Variants in HECW1 observed in about 807,000 individuals in gnomAD.
HECW1 encodes E3 ubiquitin-protein ligase HECW1.
Under a neutral mutation model 182.3 loss-of-function variants are expected in HECW1, and 61 were observed. The observed-to-expected ratio is 0.33, with a 90% CI of 0.27 to 0.41. The LOEUF (loss-of-function observed/expected upper bound fraction) is 0.41. Among genes scored for constraint, HECW1 ranks in the 10% least tolerant of loss-of-function variants. The pLI is 1.00. For synonymous variants in HECW1, 859 were observed against 832.6 expected (o/e 1.03, Z -0.55); for missense variants, 1,739 against 2,108.9 (o/e 0.82, Z 3.44).
intron 8 of HECW1, among the ~76,000 whole-genome samples, chr7:43,420,670 C>T (rs990538543): frequency 1.3e-5 from 2 of 151,978 alleles, no homozygotes; most frequent in Non-Finnish European, 2.9e-5. Context: ...TTTCTATATG[C>T]AAATAGAAAA....
At position 43,550,468 on chromosome 7, in the gene HECW1, T is replaced by C; in HGVS notation, c.4272T>C (p.Ser1424=). The C allele has an allele frequency of 6.2e-7, 1 of 1,614,150 alleles. No homozygotes were observed. The highest frequency in any genetic ancestry group is 1.3e-5 in the African/African-American group (1 of 75,068). ...FGQVTERELK[S]GGANTQVTEK... ...AGGTCACGGAAAGGGAGTTGAAGTCTGGAGGAGCCAACACACAGGTGACGG... is the reference window on the plus strand; with the variant it reads ...AGGTCACGGAAAGGGAGTTGAAGTCCGGAGGAGCCAACACACAGGTGACGG... Residue 1424 remains serine (S), a synonymous_variant, in exon 27 of 30, where the codon TCT becomes TCC. Transcript: ENST00000395891.
chr7:43,292,282 G>A (rs1485801041), intron 3 of HECW1, among the ~76,000 whole-genome samples: 1 of 152,140 alleles, frequency 6.6e-6, no homozygotes, highest in South Asian at 2.1e-4. Context: ...TGATGAAATG[G>A]AGGCTCAGAG....
chr7:43,547,008 T>A (rs1200734368), intron 26 of HECW1, among the ~76,000 whole-genome samples: 2 of 152,174 alleles, frequency 1.3e-5, no homozygotes, highest in African/African-American at 4.8e-5. Context: ...CTTAATGGTG[T>A]CTGGGAATTC....
rs540629484 is a variant in HECW1, at chr7:43,564,177, T to C, written c.*2251T>C. 27 of 190,994 alleles carry C rather than the reference T, an allele frequency of 1.4e-4. No individual in the cohort carries two copies. Among genetic ancestry groups the C allele is most frequent in the African/African-American group, 6.3e-4 (27 of 43,154 alleles). 11.8% of individuals were successfully genotyped at this position (190,994 alleles called of 1,614,324 possible). A position where few individuals can be genotyped will look rare whatever the true frequency, so the allele number is the denominator to read the frequency against. ...TGCAAATCATTGAACCATAACCTTA[T>C]TCTAACTCTTGCAACAACATCTCTA... On this transcript the variant is annotated 3_prime_UTR_variant, in exon 30 of 30. Coordinates refer to ENST00000395891, the MANE Select transcript of HECW1 (RefSeq NM_015052.5).
chr7:43,558,239 G>A (rs2152964239), intron 29 of HECW1, among the ~76,000 whole-genome samples: 1 of 152,342 alleles, frequency 6.6e-6, no homozygotes, highest in Middle Eastern at 3.4e-3. Context: ...GTAGCACTGG[G>A]CAGTGTGGAG....
At chr7:43,345,654 C>A (rs1032974546) in intron 5 of HECW1, among the ~76,000 whole-genome samples, 1 of 152,064 alleles carries the variant, frequency 6.6e-6, no homozygotes, top group African/African-American at 2.4e-5. Context: ...TAGCTCAGCT[C>A]CCACATATCA....
Position 43,436,163 on chromosome 7 carries a change from C to CAAA in HECW1, c.802-1820_802-1818dup, listed in dbSNP as rs750081980. On this transcript the variant is annotated intron_variant, in intron 8 of 29. Transcript: ENST00000395891. Reference sequence around the variant, plus strand: ...TGGGCAAGAGAACTAGACTTTGTCTCAAAAAAAAAAAAAAAAAAAAAAGGA... The same window carrying CAAA: ...TGGGCAAGAGAACTAGACTTTGTCTCAAAAAAAAAAAAAAAAAAAAAAAAAGGA... Among the ~76,000 whole-genome samples, 389 of 66,218 alleles carry CAAA rather than the reference C, an allele frequency of 5.9e-3. 5 individuals are homozygous for CAAA. The highest frequency in any genetic ancestry group is 0.012 in the African/African-American group (198 of 16,946). 43.4% of individuals were successfully genotyped at this position (66,218 alleles called of 152,430 possible). A position where few individuals can be genotyped will look rare whatever the true frequency, so the allele number is the denominator to read the frequency against.
chr7:43,507,960 A>G, intron 22 of HECW1, 58 bp from the exon 23 acceptor site: 1 of 1,230,618 alleles, frequency 8.1e-7, no homozygotes, highest in Non-Finnish European at 1.2e-6. Flanking sequence ...ACTCACTTAG[A>G]ACCCTGTCCA....
chr7:43,438,761 G>C (rs1427590099), intron 9 of HECW1: 3 of 152,196 alleles, frequency 2.0e-5, no homozygotes, highest in Non-Finnish European at 4.4e-5. Context: ...ACTATGACCA[G>C]ATAACAGCCC....
At chr7:43,449,209 G>A (rs527685538) in intron 11 of HECW1, among the ~76,000 whole-genome samples, 66 of 152,270 alleles carry the variant, frequency 4.3e-4, no homozygotes, top group African/African-American at 1.5e-3. Context: ...TTTAATTTCT[G>A]ACACTAAACA....
At chr7:43,185,213 C>T (rs1199875434) in intron 2 of HECW1, among the ~76,000 whole-genome samples, 1 of 152,070 alleles carries the variant, frequency 6.6e-6, no homozygotes, top group Non-Finnish European at 1.5e-5. Flanking sequence ...TGAAGGGTAG[C>T]ACACCTAGAG....
chr7:43,409,703 G>A (rs1052367805), intron 8 of HECW1, among the ~76,000 whole-genome samples: 5 of 152,110 alleles, frequency 3.3e-5, no homozygotes, highest in Non-Finnish European at 7.4e-5. Flanking sequence ...ATGTCCCCCT[G>A]GTAAGGCTCA....
At chr7:43,296,225 A>T (rs933039003) in intron 3 of HECW1, among the ~76,000 whole-genome samples, 1 of 152,242 alleles carries the variant, frequency 6.6e-6, no homozygotes, top group African/African-American at 2.4e-5. Flanking sequence ...GGAAAAATGC[A>T]GGAAATATTT....
rs370838701 is a variant in HECW1, at chr7:43,239,347, G to A, written c.-31-4528G>A. On this transcript the variant is annotated intron_variant, in intron 2 of 29. Coordinates refer to ENST00000395891, the MANE Select transcript of HECW1 (RefSeq NM_015052.5). ...AACTGAGCTTACTTTGTCTTTGCAA[G>A]GGTGTCTAGTGTGACATTTCAGGAA... The A allele has an allele frequency of 2.1e-3, 327 of 152,330 alleles. 2 individuals carry two copies. The highest frequency in any genetic ancestry group is 7.3e-3 in the African/African-American group (302 of 41,572). The allele number at this position is 152,330 out of a possible 1,614,324, so 9.4% of individuals were successfully genotyped here.
intron 6 of HECW1, among the ~76,000 whole-genome samples, chr7:43,369,197 G>C (rs566360381): frequency 6.6e-6 from 1 of 152,174 alleles, no homozygotes; most frequent in Non-Finnish European, 1.5e-5. Flanking sequence ...AGTGGCTCAT[G>C]CTTGTAATCC....
chr7:43,540,459 T>G (rs987832219), intron 24 of HECW1, among the ~76,000 whole-genome samples: 1 of 152,226 alleles, frequency 6.6e-6, no homozygotes, highest in Non-Finnish European at 1.5e-5. Context: ...AGCATTTTGC[T>G]AAGCAGGTTA....
At chr7:43,320,447 G>A (rs868147486) in intron 4 of HECW1, among the ~76,000 whole-genome samples, 188 bp from the exon 5 acceptor site, 1 of 152,160 alleles carries the variant, frequency 6.6e-6, no homozygotes, top group African/African-American at 2.4e-5. Context: ...AGGCGATCCC[G>A]GCATAAAAAG....
chr7:43,250,559 A>C (rs1392050395), intron 3 of HECW1, among the ~76,000 whole-genome samples: 1 of 152,200 alleles, frequency 6.6e-6, no homozygotes, highest in East Asian at 1.9e-4. Flanking sequence ...AAGAGAGGAC[A>C]GGGGAAGGAA....
intron 16 of HECW1, among the ~76,000 whole-genome samples, chr7:43,472,662 A>C (rs1290817743): frequency 6.6e-6 from 1 of 152,078 alleles, no homozygotes; most frequent in African/African-American, 2.4e-5. Flanking sequence ...TAAGGTGAGC[A>C]GATTAATTGG....
Sources: gnomAD v4.1 joint callset for allele counts (sites outside exome capture counted in the v4.1 genomes callset) on GRCh38, gnomAD v4.1.1 for gene constraint, MANE v1.5 for transcripts, NCBI Gene and HGNC (gene_info 2026-07-23, HGNC 2026-07-21) for gene names.